Variants in LMCD1 observed in about 807,000 individuals in gnomAD.
The protein encoded by LMCD1 is LIM and cysteine-rich domains protein 1.
A neutral mutation model predicts 42.7 loss-of-function variants in LMCD1; 32 were observed. The observed-to-expected ratio is 0.75, with a 90% CI of 0.57 to 1.01. LMCD1 has a LOEUF of 1.01. LMCD1 is among the 50% of genes least tolerant of loss of function. The pLI is 0.00. For synonymous variants in LMCD1, 178 were observed against 184.9 expected (o/e 0.96, Z 0.30); for missense variants, 458 against 483.1 (o/e 0.95, Z 0.49).
Position 8,539,795 on chromosome 3 carries a change from TTTATTATTATTA to T in LMCD1, c.387+2388_387+2399del, listed in dbSNP as rs71049735. ...CCTTCCCACTCACCTTCCCAACATT[TTTATTATTATTA>T]TTATTATTATTATTATTATTATTAT... On this transcript the variant is annotated intron_variant, in intron 3 of 5. Transcript: ENST00000157600. 1.7e-3 allele frequency among the ~76,000 whole-genome samples: 237 copies of T among 139,834 alleles called. 1 individual carries two copies. The highest frequency in any genetic ancestry group is 3.8e-3 in the African/African-American group (143 of 37,736). 91.7% of individuals were successfully genotyped at this position (139,834 alleles called of 152,430 possible).
chr3:8,568,472 G>A lies in LMCD1; in HGVS notation c.*874G>A, dbSNP rs1003672736. The A allele has an allele frequency of 3.9e-5, 6 of 152,150 alleles. No homozygotes were observed. Among genetic ancestry groups the A allele is most frequent in the African/African-American group, 1.4e-4 (6 of 41,440 alleles). 9.4% of individuals were successfully genotyped at this position (152,150 alleles called of 1,614,324 possible). On this transcript the variant is annotated 3_prime_UTR_variant, in exon 6 of 6. Coordinates refer to ENST00000157600, the MANE Select transcript of LMCD1 (RefSeq NM_014583.4). ...CAGTACTGGGAAACCACTGAACAGG[G>A]GCCACCTAAGCTCCACCAATGGGTG...
intron 1 of LMCD1, among the ~76,000 whole-genome samples, chr3:8,524,132 T>G (rs1300935074): frequency 6.6e-6 from 1 of 150,922 alleles, no homozygotes; most frequent in Non-Finnish European, 1.5e-5. Flanking sequence ...GCCCCAGGAT[T>G]CTTAAGTGGG....
At chr3:8,508,474 A>G (rs911447253) in intron 1 of LMCD1, among the ~76,000 whole-genome samples, 1 of 152,226 alleles carries the variant, frequency 6.6e-6, no homozygotes, top group Non-Finnish European at 1.5e-5. Flanking sequence ...TGCTTTGTGT[A>G]TAGATTTTGT....
intron 3 of LMCD1, among the ~76,000 whole-genome samples, chr3:8,544,763 A>G (rs1235031718): frequency 6.6e-6 from 1 of 152,178 alleles, no homozygotes; most frequent in African/African-American, 2.4e-5. Flanking sequence ...GCGATAAGCT[A>G]TGGGCCAGAT....
At chr3:8,505,706 T>C (rs9877344) in intron 1 of LMCD1, among the ~76,000 whole-genome samples, 61,446 of 152,182 alleles carry the variant, frequency 0.4, 13,249 homozygotes, top group Non-Finnish European at 0.49. Flanking sequence ...TCTAAGTCCA[T>C]TGCCAGGTCC....
At chr3:8,558,726 A>G (rs1694972571) in intron 4 of LMCD1, among the ~76,000 whole-genome samples, 3 of 152,218 alleles carry the variant, frequency 2.0e-5, no homozygotes. Flanking sequence ...CTTAAAAAAT[A>G]GTGTTGAGTT....
intron 4 of LMCD1, among the ~76,000 whole-genome samples, chr3:8,564,069 T>C (rs947207788): frequency 6.6e-6 from 1 of 152,132 alleles, no homozygotes; most frequent in Admixed American, 6.5e-5. Context: ...AAAAAGGACA[T>C]TGGGTAAAGT....
intron 4 of LMCD1, chr3:8,551,129 TC>T (rs1322116614): frequency 1.0e-6 from 1 of 985,238 alleles, no homozygotes; most frequent in Non-Finnish European, 1.2e-6. Flanking sequence ...GACTTCTATG[TC>T]CCTGCCCCAA....
chr3:8,537,159 A>T, intron 2 of LMCD1, 26 bp from the exon 3 acceptor site: 2 of 1,609,780 alleles, frequency 1.2e-6, no homozygotes, highest in Non-Finnish European at 1.7e-6. Flanking sequence ...GGTTAATCTC[A>T]CTGGTCCCCA....
intron 4 of LMCD1, among the ~76,000 whole-genome samples, chr3:8,557,525 G>A (rs546411286): frequency 6.6e-6 from 1 of 152,164 alleles, no homozygotes; most frequent in South Asian, 2.1e-4. Context: ...ACCCGAGACA[G>A]AGATTATTGC....
Position 8,568,794 on chromosome 3 carries a change from A to G in LMCD1, c.*1196A>G, listed in dbSNP as rs993745360. On this transcript the variant is annotated 3_prime_UTR_variant, in exon 6 of 6. Transcript: ENST00000157600. ...AAAAACATATTTTTCTACTGGGAGT[A>G]TAAGGATGAAAAAGACACAAGTCCT... 1 of 152,206 alleles carries G rather than the reference A, an allele frequency of 6.6e-6. No individual in the cohort carries two copies. The highest frequency in any genetic ancestry group is 1.5e-5 in the Non-Finnish European group (1 of 68,038). 9.4% of individuals were successfully genotyped at this position (152,206 alleles called of 1,614,324 possible).
chr3:8,510,437 G>T (rs1574946005), intron 1 of LMCD1, among the ~76,000 whole-genome samples: 1 of 152,218 alleles, frequency 6.6e-6, no homozygotes, highest in East Asian at 1.9e-4. Context: ...GTGAATAGAG[G>T]ACAGCCTTTT....
chr3:8,565,663 G>T lies in LMCD1; in HGVS notation c.939+16G>T. The stretch of plus-strand genomic sequence containing the variant: ...CTGCGATGAGGTGGGAGATAGCCGC[G>T]AGATGGGTTAGGGGGCTTGAGGGAC... On this transcript the variant is annotated intron_variant, in intron 5 of 5. Transcript: ENST00000157600. 6.4e-7 allele frequency: 1 copy of T among 1,572,956 alleles called. No homozygotes were observed. Among genetic ancestry groups the T allele is most frequent in the Non-Finnish European group, 8.6e-7 (1 of 1,159,194 alleles).
intron 4 of LMCD1, among the ~76,000 whole-genome samples, chr3:8,563,956 T>C (rs545963075): frequency 1.3e-5 from 2 of 152,218 alleles, no homozygotes; most frequent in South Asian, 4.2e-4. Flanking sequence ...CCAGTACTCC[T>C]CAAAACTGTC....
At chr3:8,543,293 C>G (rs1694663726) in intron 3 of LMCD1, among the ~76,000 whole-genome samples, 1 of 152,222 alleles carries the variant, frequency 6.6e-6, no homozygotes, top group Non-Finnish European at 1.5e-5. Flanking sequence ...GTCACATCCT[C>G]TTTCCCCACT....
chr3:8,567,424 C>T lies in LMCD1; in HGVS notation c.940-16C>T. On this transcript the variant is annotated splice_polypyrimidine_tract_variant and intron_variant, in intron 5 of 5. Coordinates refer to ENST00000157600, the MANE Select transcript of LMCD1 (RefSeq NM_014583.4). ...ACAGAAACTGAGTCATGCATTTCTC[C>T]TGCTCCCCTCCCCAGATAATATTCG... The T allele has an allele frequency of 6.2e-7, 1 of 1,612,354 alleles. No individual in the cohort carries two copies. The highest frequency in any genetic ancestry group is 1.1e-5 in the South Asian group (1 of 90,912).
intron 4 of LMCD1, chr3:8,550,944 G>C: frequency 1.0e-6 from 1 of 985,374 alleles, no homozygotes; most frequent in Non-Finnish European, 1.2e-6. Flanking sequence ...GGCAAAGGCA[G>C]CCCAAGAACC....
At position 8,568,304 on chromosome 3, in the gene LMCD1, C is replaced by T. The variant is rs942749765; in HGVS notation, c.*706C>T. On this transcript the variant is annotated 3_prime_UTR_variant, in exon 6 of 6. Coordinates refer to ENST00000157600, the MANE Select transcript of LMCD1 (RefSeq NM_014583.4). The stretch of plus-strand genomic sequence containing the variant: ...GCCTATTCCAGATACTCCCAGATCA[C>T]TAATGTAACAAAGGTATCATGTTTT... 2 of 152,196 alleles carry T rather than the reference C, an allele frequency of 1.3e-5. No homozygotes were observed. Among genetic ancestry groups the T allele is most frequent in the African/African-American group, 4.8e-5 (2 of 41,460 alleles). 9.4% of individuals were successfully genotyped at this position (152,196 alleles called of 1,614,324 possible).
intron 3 of LMCD1, among the ~76,000 whole-genome samples, chr3:8,546,960 A>G (rs1235427648): frequency 1.3e-5 from 2 of 152,248 alleles, no homozygotes; most frequent in Non-Finnish European, 2.9e-5. Context: ...CTTTGGTGAT[A>G]GAGGCAAACT....
Sources: gnomAD v4.1 joint callset for allele counts (sites outside exome capture counted in the v4.1 genomes callset) on GRCh38, gnomAD v4.1.1 for gene constraint, MANE v1.5 for transcripts, NCBI Gene and HGNC (gene_info 2026-07-23, HGNC 2026-07-21) for gene names.